Variants in ATP6V1H observed in about 807,000 individuals in gnomAD.
ATP6V1H encodes V-type proton ATPase subunit H.
ATP6V1H carries 39 observed loss-of-function variants against 71.7 expected under a neutral mutation model. The ratio of observed to expected loss-of-function variants is 0.54; its 90% confidence interval spans 0.42 to 0.71. The LOEUF (loss-of-function observed/expected upper bound fraction) is 0.71. ATP6V1H is among the 30% of genes least tolerant of loss of function. ATP6V1H has a pLI of 0.00. For synonymous variants in ATP6V1H, 192 were observed against 199.3 expected, an observed-to-expected ratio of 0.96 and a Z score of 0.31; for missense variants, 509 against 594.9, an observed-to-expected ratio of 0.86 and a Z score of 1.50.
intron 2 of ATP6V1H, among the ~76,000 whole-genome samples, chr8:53,834,679 C>T (rs1020272459): frequency 6.6e-6 from 1 of 152,176 alleles, no homozygotes; most frequent in Non-Finnish European, 1.5e-5. Context: ...CTGCCTCAGC[C>T]TCCCAAAGTG....
Position 53,779,770 on chromosome 8 carries a change from C to T in ATP6V1H, c.871-7603G>A, listed in dbSNP as rs181190785. Among the ~76,000 whole-genome samples, 338 of 152,198 alleles carry T rather than the reference C, an allele frequency of 2.2e-3. 2 individuals carry two copies. The highest frequency in any genetic ancestry group is 7.9e-3 in the African/African-American group (327 of 41,538). On this transcript the variant is annotated intron_variant, in intron 9 of 13. Transcript: ENST00000359530. ...TACTTTTCCTATTACCTATCCTCTC[C>T]TCTAACTTTAGAAACATATCAAAGC... is the stretch of plus-strand genomic sequence containing the variant.
intron 9 of ATP6V1H, among the ~76,000 whole-genome samples, chr8:53,780,888 G>A (rs1809097662): frequency 6.6e-6 from 1 of 152,188 alleles, no homozygotes; most frequent in Non-Finnish European, 1.5e-5. Context: ...TTTTATGGCT[G>A]CAGAGTATTC....
chr8:53,776,899 C>A (rs1464568799), intron 9 of ATP6V1H, among the ~76,000 whole-genome samples: 4 of 152,218 alleles, frequency 2.6e-5, no homozygotes, highest in Non-Finnish European at 5.9e-5. Flanking sequence ...AATAAAAACA[C>A]AGATCATTTG....
At chr8:53,734,699 G>A (rs534783821) in intron 13 of ATP6V1H, among the ~76,000 whole-genome samples, 1 of 152,294 alleles carries the variant, frequency 6.6e-6, no homozygotes, top group African/African-American at 2.4e-5. Flanking sequence ...GAACACCAGC[G>A]AGCTCCCACT....
At chr8:53,836,666 C>A (rs192984443) in intron 2 of ATP6V1H, among the ~76,000 whole-genome samples, 4 of 152,226 alleles carry the variant, frequency 2.6e-5, no homozygotes, top group Admixed American at 2.6e-4. Context: ...TTACCTACTA[C>A]CAGGCGGCCT....
intron 9 of ATP6V1H, among the ~76,000 whole-genome samples, chr8:53,792,559 C>G (rs1809598163): frequency 6.6e-6 from 1 of 152,126 alleles, no homozygotes; most frequent in South Asian, 2.1e-4. Flanking sequence ...TTTCACGTTT[C>G]CCCCTTTTTA....
chr8:53,734,992 A>G (rs1338136067), intron 13 of ATP6V1H, among the ~76,000 whole-genome samples: 1 of 152,228 alleles, frequency 6.6e-6, no homozygotes, highest in Non-Finnish European at 1.5e-5. Flanking sequence ...AGAGTCACTT[A>G]AAAAGTTGTT....
intron 13 of ATP6V1H, among the ~76,000 whole-genome samples, chr8:53,719,635 G>A (rs901444598): frequency 9.2e-5 from 14 of 152,216 alleles, no homozygotes; most frequent in South Asian, 4.1e-4. Flanking sequence ...CATCTGGACC[G>A]CGTTCCGAGC....
intron 9 of ATP6V1H, among the ~76,000 whole-genome samples, chr8:53,774,021 A>G (rs1808772409): frequency 6.6e-6 from 1 of 152,228 alleles, no homozygotes; most frequent in Non-Finnish European, 1.5e-5. Context: ...GAGGCTCAGT[A>G]ATCTGTTATG....
In ATP6V1H at chr8:53,769,604, A is replaced by G; in HGVS notation, c.1175+14T>C. The G allele has an allele frequency of 6.2e-7, 1 of 1,608,728 alleles. No homozygotes were observed. Among genetic ancestry groups the G allele is most frequent in the Non-Finnish European group, 8.5e-7 (1 of 1,177,698 alleles). On this transcript the variant is annotated intron_variant, in intron 11 of 13. Coordinates refer to ENST00000359530, the MANE Select transcript of ATP6V1H (RefSeq NM_015941.4). ...AACAGATATTAAGAGTGTAAAGTAG[A>G]ACAAAAAACTTACTTCAAGAGTTCA...
intron 13 of ATP6V1H, chr8:53,739,753 A>G (rs1223494397): frequency 1.3e-5 from 2 of 152,268 alleles, no homozygotes; most frequent in African/African-American, 4.8e-5. Context: ...ATTTATGAAT[A>G]TAAAAATCCA....
rs554836738 is a variant in ATP6V1H at position 53,812,164 on chromosome 8, A to G, written c.526-947T>C. On this transcript the variant is annotated intron_variant, in intron 6 of 13. Transcript: ENST00000359530. ...AGTGCCTGCCCACAGCAAGAGGGACAGTGCAATGAGAGCCAAGCAGAAGCA... is the reference window on the plus strand; with the variant it reads ...AGTGCCTGCCCACAGCAAGAGGGACGGTGCAATGAGAGCCAAGCAGAAGCA... 1.3e-3 allele frequency among the ~76,000 whole-genome samples: 203 copies of G among 152,262 alleles called. 3 individuals carry two copies. Among genetic ancestry groups the G allele is most frequent in the South Asian group, 0.013 (63 of 4,828 alleles).
intron 8 of ATP6V1H, among the ~76,000 whole-genome samples, chr8:53,798,285 G>A (rs931468983): frequency 1.3e-5 from 2 of 152,046 alleles, no homozygotes; most frequent in Non-Finnish European, 2.9e-5. Flanking sequence ...CAGCACTTTG[G>A]GAGGCCGAGG....
intron 9 of ATP6V1H, among the ~76,000 whole-genome samples, chr8:53,774,895 A>ATG (rs1808807366): frequency 6.6e-6 from 1 of 152,218 alleles, no homozygotes; most frequent in African/African-American, 2.4e-5. Context: ...AGAGAAACAT[A>ATG]AAGAAGACCC....
chr8:53,723,299 C>A (rs1344384938), intron 13 of ATP6V1H, among the ~76,000 whole-genome samples: 1 of 152,198 alleles, frequency 6.6e-6, no homozygotes, highest in African/African-American at 2.4e-5. Context: ...ACAAGTCTCA[C>A]AGATCCTCTC....
At chr8:53,744,136 A>G (rs1004623519) in intron 12 of ATP6V1H, among the ~76,000 whole-genome samples, 2 of 152,158 alleles carry the variant, frequency 1.3e-5, no homozygotes, top group Non-Finnish European at 2.9e-5. Flanking sequence ...TTAGATGTAG[A>G]TAGCAGGGAA....
intron 7 of ATP6V1H, among the ~76,000 whole-genome samples, chr8:53,804,673 C>CA (rs1810021454): frequency 6.6e-6 from 1 of 151,608 alleles, no homozygotes; most frequent in South Asian, 2.1e-4. Flanking sequence ...CACCCTGTCT[C>CA]AAAAAAAAGA....
At chr8:53,733,502 C>T (rs956167625) in intron 13 of ATP6V1H, among the ~76,000 whole-genome samples, 6 of 152,196 alleles carry the variant, frequency 3.9e-5, no homozygotes, top group African/African-American at 9.6e-5. Context: ...ATGGCCTGCT[C>T]CGGCACCTGG....
chr8:53,826,672 C>T (rs1481176748), intron 4 of ATP6V1H, among the ~76,000 whole-genome samples: 13 of 151,988 alleles, frequency 8.6e-5, no homozygotes, highest in Non-Finnish European at 1.3e-4. Flanking sequence ...TTGGGCTGAG[C>T]GCAGTGGCTC....
Sources: allele counts gnomAD v4.1 joint callset (sites outside exome capture counted in the v4.1 genomes callset), GRCh38; gene constraint gnomAD v4.1.1; transcripts MANE v1.5; gene names NCBI Gene and HGNC (gene_info 2026-07-23, HGNC 2026-07-21).